ZFYVE28: variants seen among roughly 807,000 people sequenced by gnomAD.
ZFYVE28 encodes the protein zinc finger FYVE-type containing 28, also known as lateral signaling target protein 2 homolog.
A neutral mutation model predicts 82.1 loss-of-function variants in ZFYVE28; 40 were observed. The observed-to-expected ratio is 0.49, with a 90% CI of 0.38 to 0.63. The LOEUF (loss-of-function observed/expected upper bound fraction) is 0.63, where lower values mean the gene tolerates loss of function less well. ZFYVE28 is among the 30% of genes least tolerant of loss of function. The probability of loss-of-function intolerance (pLI) is 0.00; values close to 1 mark genes in which losing one functional copy is unlikely to be tolerated. For synonymous variants in ZFYVE28, 612 were observed against 546.1 expected, an observed-to-expected ratio of 1.12 and a Z score of -1.68; for missense variants, 1,321 against 1,242.1, an observed-to-expected ratio of 1.06 and a Z score of -0.96.
At chr4:2,271,037 T>C in intron 12 of ZFYVE28, 181 bp from the exon 13 acceptor site, 1 of 916,984 alleles carries the variant, frequency 1.1e-6, no homozygotes, top group Non-Finnish European at 1.6e-6. Flanking sequence ...GTCCACGTCC[T>C]GCACCAAGGC....
At position 2,418,508 on chromosome 4, in the gene ZFYVE28, G is replaced by T; in HGVS notation, c.-185C>A. On this transcript the variant is annotated 5_prime_UTR_variant, in exon 1 of 13. Transcript: ENST00000290974. The surrounding 1 kb of genome is among the most constrained non-coding windows in gnomAD (Gnocchi z 4.6). ...GGGCAGGTGCGCGGGGCAGGTGCGCGGCCCTGAGTATGCTCTGCAAGCGGC... is the reference window on the plus strand; with the variant it reads ...GGGCAGGTGCGCGGGGCAGGTGCGCTGCCCTGAGTATGCTCTGCAAGCGGC... 4.3e-6 allele frequency: 1 copy of T among 231,602 alleles called. No homozygotes were observed. Among genetic ancestry groups the T allele is most frequent in the Admixed American group, 6.4e-5 (1 of 15,720 alleles). 14.3% of individuals were successfully genotyped at this position (231,602 alleles called of 1,614,324 possible).
chr4:2,316,913 C>T (rs565190578), intron 7 of ZFYVE28, among the ~76,000 whole-genome samples: 16 of 151,730 alleles, frequency 1.1e-4, no homozygotes, highest in African/African-American at 3.4e-4. Context: ...AGGATGGTCT[C>T]GATCTCCTGA....
Position 2,394,623 on chromosome 4 carries a change from C to T in ZFYVE28, c.39+23662G>A, listed in dbSNP as rs868484635. On this transcript the variant is annotated intron_variant, in intron 1 of 12. Coordinates refer to ENST00000290974, the MANE Select transcript of ZFYVE28 (RefSeq NM_020972.3). This position sits in a 1 kb window ranked among gnomAD's most constrained non-coding sequence, Gnocchi z 4.0. ...CATCAACGCCTCCTTTCTAACAAGGCACATGCTTCCAGCTGCTCGGGCTGC... is the reference window on the plus strand; with the variant it reads ...CATCAACGCCTCCTTTCTAACAAGGTACATGCTTCCAGCTGCTCGGGCTGC... Among the ~76,000 whole-genome samples the T allele has an allele frequency of 1.4e-4, 21 of 152,364 alleles. No individual in the cohort carries two copies. Among genetic ancestry groups the T allele is most frequent in the Middle Eastern group, 6.8e-3 (2 of 294 alleles).
At chr4:2,392,519 AACTC>A (rs1729950094) in intron 1 of ZFYVE28, among the ~76,000 whole-genome samples, 1 of 152,202 alleles carries the variant, frequency 6.6e-6, no homozygotes, top group African/African-American at 2.4e-5. Flanking sequence ...TTTGGGAACG[AACTC>A]ATTTAAAGCC....
intron 7 of ZFYVE28, among the ~76,000 whole-genome samples, chr4:2,319,629 G>A (rs982144255): frequency 9.9e-5 from 15 of 152,210 alleles, no homozygotes; most frequent in Non-Finnish European, 1.5e-4. Context: ...AGGAAGCCAC[G>A]GCTGGGCTCT....
intron 4 of ZFYVE28, among the ~76,000 whole-genome samples, chr4:2,338,107 G>A (rs1010003131): frequency 1.3e-5 from 2 of 152,240 alleles, no homozygotes; most frequent in South Asian, 2.1e-4. Context: ...AGAGAGAAAC[G>A]AATGAACACG....
chr4:2,303,499 T>C (rs867508352), intron 8 of ZFYVE28, among the ~76,000 whole-genome samples: 14 of 152,310 alleles, frequency 9.2e-5, no homozygotes, highest in South Asian at 6.2e-4. Flanking sequence ...GCGAGGCCTA[T>C]AGACACGGCC....
chr4:2,356,726 G>A (rs890328271), intron 1 of ZFYVE28, among the ~76,000 whole-genome samples: 1 of 152,236 alleles, frequency 6.6e-6, no homozygotes, highest in African/African-American at 2.4e-5. Flanking sequence ...TCTACTGCGT[G>A]GAAGGAGAGG....
In ZFYVE28 at chr4:2,317,640, G is replaced by GT. The variant is rs796422963; in HGVS notation, c.803+2529dup. Among the ~76,000 whole-genome samples, 477 of 148,626 alleles carry GT rather than the reference G, an allele frequency of 3.2e-3. 1 individual carries two copies. The highest frequency in any genetic ancestry group is 7.8e-3 in the African/African-American group (317 of 40,612). On this transcript the variant is annotated intron_variant, in intron 7 of 12. Coordinates refer to ENST00000290974, the MANE Select transcript of ZFYVE28 (RefSeq NM_020972.3). Reference sequence around the variant, plus strand: ...CTCACGGCATGCTTTTTGTTTGATTGTTTTTTTTTTGAGACAGAGTCTTGC... The same window carrying GT: ...CTCACGGCATGCTTTTTGTTTGATTGTTTTTTTTTTTGAGACAGAGTCTTGC...
intron 7 of ZFYVE28, among the ~76,000 whole-genome samples, chr4:2,312,421 C>G (rs569169983): frequency 1.9e-4 from 29 of 152,074 alleles, no homozygotes; most frequent in Admixed American, 1.7e-3. Flanking sequence ...CTGCAATGAA[C>G]AAGGAATTAT....
intron 6 of ZFYVE28, among the ~76,000 whole-genome samples, chr4:2,325,985 T>C (rs939511836): frequency 2.0e-5 from 3 of 152,212 alleles, no homozygotes; most frequent in African/African-American, 7.2e-5. Context: ...GTATGAATTG[T>C]AAATATTTTC....
At chr4:2,355,283 T>G (rs1237829792) in intron 1 of ZFYVE28, among the ~76,000 whole-genome samples, 1 of 53,464 alleles carries the variant, frequency 1.9e-5, no homozygotes, top group Non-Finnish European at 4.1e-5. Context: ...ATGATTCTTC[T>G]TTTTTTTTTT....
In ZFYVE28 at chr4:2,416,395, G is replaced by C. The variant is rs1733038473; in HGVS notation, c.39+1890C>G. Among the ~76,000 whole-genome samples the C allele has an allele frequency of 6.6e-6, 1 of 152,198 alleles. No homozygotes were observed. Among genetic ancestry groups the C allele is most frequent in the Non-Finnish European group, 1.5e-5 (1 of 68,046 alleles). Reference sequence around the variant, plus strand: ...GGGGCATCCCCTAGTGTCCCAGCAAGTGCCTTCAGCGACACCAGAATGTTA... The same window carrying C: ...GGGGCATCCCCTAGTGTCCCAGCAACTGCCTTCAGCGACACCAGAATGTTA... On this transcript the variant is annotated intron_variant, in intron 1 of 12. Coordinates refer to ENST00000290974, the MANE Select transcript of ZFYVE28 (RefSeq NM_020972.3). This position sits in a 1 kb window ranked among gnomAD's most constrained non-coding sequence, Gnocchi z 4.6.
chr4:2,349,931 G>A (rs2108876544), intron 2 of ZFYVE28, among the ~76,000 whole-genome samples: 1 of 152,170 alleles, frequency 6.6e-6, no homozygotes, highest in South Asian at 2.1e-4. Context: ...TATCTTTGGG[G>A]AGAAAGCATT....
chr4:2,406,872 C>A (rs1184067748), intron 1 of ZFYVE28, among the ~76,000 whole-genome samples: 2 of 149,876 alleles, frequency 1.3e-5, no homozygotes, highest in East Asian at 4.0e-4. Context: ...TTCTCCCTCC[C>A]CTGGTTTAGG....
chr4:2,279,070 T>G (rs530143963), intron 8 of ZFYVE28, among the ~76,000 whole-genome samples: 1 of 152,270 alleles, frequency 6.6e-6, no homozygotes, highest in East Asian at 1.9e-4. Context: ...GTTGAATGGA[T>G]AGACAAAATG....
At chr4:2,410,193 C>G (rs1732367674) in intron 1 of ZFYVE28, among the ~76,000 whole-genome samples, 1 of 152,212 alleles carries the variant, frequency 6.6e-6, no homozygotes. Flanking sequence ...TGCCCAACCA[C>G]CACCTCTTGC....
At chr4:2,334,344 C>A (rs375563640) in intron 6 of ZFYVE28, among the ~76,000 whole-genome samples, 4 of 152,016 alleles carry the variant, frequency 2.6e-5, no homozygotes, top group African/African-American at 9.7e-5. Flanking sequence ...CCGGCAGCAG[C>A]CCCCATTGCT....
intron 1 of ZFYVE28, among the ~76,000 whole-genome samples, chr4:2,411,934 C>T (rs967387350): frequency 7.9e-5 from 12 of 152,306 alleles, no homozygotes; most frequent in African/African-American, 2.2e-4. Context: ...GGGGCCAGTC[C>T]GACATGGTGA....
Sources: gnomAD v4.1 joint callset for allele counts (sites outside exome capture counted in the v4.1 genomes callset) on GRCh38, gnomAD v4.1.1 for gene constraint, Gnocchi (gnomAD v3.1) non-coding constraint, MANE v1.5 for transcripts, NCBI Gene and HGNC (gene_info 2026-07-23, HGNC 2026-07-21) for gene names.